The following LY9 variants were observed in gnomAD, a reference collection of about 807,000 sequenced individuals.
LY9 encodes the protein T-lymphocyte surface antigen Ly-9.
Under a neutral mutation model 64.6 loss-of-function variants are expected in LY9, and 59 were observed. The observed-to-expected ratio is 0.91, with a 90% confidence interval of 0.74 to 1.13. The LOEUF is 1.13. Ranked by LOEUF, LY9 falls within the 50% of genes most tolerant of loss-of-function variation. The pLI, the probability that LY9 is intolerant of heterozygous loss-of-function variation, is 0.00. For synonymous variants in LY9, 281 were observed against 308.5 expected, an observed-to-expected ratio of 0.91 and a Z score of 0.93; for missense variants, 789 against 797.2, an observed-to-expected ratio of 0.99 and a Z score of 0.12.
At chr1:160,818,352 G>A in intron 6 of LY9, 33 bp downstream of exon 6, 1 of 1,517,936 alleles carries the variant, frequency 6.6e-7, no homozygotes, top group Non-Finnish European at 9.1e-7. Context: ...GTCCGCCAGT[G>A]CTAGGCCATT....
rs1399278658 is a variant in LY9, at chr1:160,813,971, G to A, written c.730+60G>A. On this transcript the variant is annotated intron_variant, in intron 3 of 9. Coordinates refer to ENST00000263285, the MANE Select transcript of LY9 (RefSeq NM_002348.4). ...CAGAAACAATATGAGCAGCTGTGGA[G>A]TCTAAACCCTAGGATCCTGGTCAGA... 24 of 1,543,232 alleles carry A rather than the reference G, an allele frequency of 1.6e-5. No homozygotes were observed. In the Middle Eastern group the frequency reaches 5.2e-4, roughly 34 times the overall value.
intron 9 of LY9, among the ~76,000 whole-genome samples, chr1:160,826,976 A>AC (rs1668886393): frequency 1.3e-5 from 2 of 152,198 alleles, no homozygotes; most frequent in African/African-American, 4.8e-5. Context: ...AGGCACACAC[A>AC]CTACCCTGGA....
intron 2 of LY9, chr1:160,810,143 T>A (rs1415573966): frequency 6.6e-6 from 1 of 152,314 alleles, no homozygotes; most frequent in African/African-American, 2.4e-5. Flanking sequence ...CCTCCCAAAG[T>A]GCTAGGATTA....
rs1369639644 is a variant in LY9, at chr1:160,800,063, A to G, written c.435A>G (p.Glu145=). The change falls in exon 2 of 10, where the codon GAA becomes GAG. Residue 145 remains glutamate, a synonymous_variant. Transcript: ENST00000263285. ...ATTTTGAAGTCACCACTGAGGAGGA[A>G]TTCACCCTGTTCGTCTATGGTGAGT... is the stretch of plus-strand genomic sequence containing the variant. ...QRNFEVTTEE[E]FTLFVYEQLQ... 1.9e-6 allele frequency: 3 copies of G among 1,612,952 alleles called. No individual in the cohort carries two copies. In the African/African-American group the frequency reaches 4.0e-5, roughly 22 times the overall value.
intron 2 of LY9, among the ~76,000 whole-genome samples, chr1:160,804,564 C>T (rs1406977780): frequency 1.3e-5 from 2 of 151,640 alleles, no homozygotes; most frequent in Non-Finnish European, 2.9e-5. Flanking sequence ...TTGTTGTGTC[C>T]TTGTCTGATT....
chr1:160,802,037 G>A (rs981981250), intron 2 of LY9: 42 of 1,448,812 alleles, frequency 2.9e-5, no homozygotes, highest in South Asian at 2.9e-4. Context: ...TGCCCCCCGA[G>A]GCTGCTAGAC....
Position 160,823,787 on chromosome 1 carries a change from C to A in LY9, c.1821C>A (p.Phe607Leu). The change falls in exon 8 of 10, where the codon TTC (phenylalanine) becomes TTA (leucine). Residue 607 changes from phenylalanine to leucine, a missense_variant. Physicochemically the swap from Phe to Leu is conservative, Grantham distance 22. Transcript: ENST00000263285. ...VGENTMYAQV[F>L]NLQGKTPVSQ... is the part of the protein sequence containing the mutation. ...AGAACACCATGTATGCACAAGTGTT[C>A]AACTTACAGGTGAGCCCTTCTGATC... is the stretch of plus-strand genomic sequence containing the variant. The A allele has an allele frequency of 6.2e-7, 1 of 1,611,130 alleles. No individual in the cohort carries two copies. The highest frequency in any genetic ancestry group is 1.1e-5 in the South Asian group (1 of 90,974).
At chr1:160,806,107 A>T (rs1291513857) in intron 2 of LY9, among the ~76,000 whole-genome samples, 1 of 152,076 alleles carries the variant, frequency 6.6e-6, no homozygotes, top group African/African-American at 2.4e-5. Flanking sequence ...TAGATGGATC[A>T]TGTTTTTAAA....
intron 2 of LY9, chr1:160,802,020 G>C (rs1666538018): frequency 2.7e-6 from 4 of 1,484,812 alleles, no homozygotes; most frequent in African/African-American, 2.8e-5. Flanking sequence ...GCCAGGCCCA[G>C]TGCCACTGCC....
At chr1:160,811,500 T>C (rs924486972) in intron 2 of LY9, 4 of 152,190 alleles carry the variant, frequency 2.6e-5, no homozygotes, top group Admixed American at 2.6e-4. Flanking sequence ...ATTTAACCTC[T>C]CTCTCTCTTC....
chr1:160,805,427 T>C (rs2101760710), intron 2 of LY9, among the ~76,000 whole-genome samples: 1 of 152,318 alleles, frequency 6.6e-6, no homozygotes, highest in Non-Finnish European at 1.5e-5. Context: ...TTAATATTGA[T>C]TTCTAGTTTT....
In LY9 at chr1:160,818,299, T is replaced by C. The variant is rs754099381; in HGVS notation, c.1424T>C (p.Ile475Thr). 2.5e-6 allele frequency: 4 copies of C among 1,613,902 alleles called. No individual in the cohort carries two copies. The East Asian group carries it at 8.9e-5, about 36-fold the overall frequency. ...TGCGTTGGGATCTTCAGCTGGTGCA[T>C]TTGGAAGCGAAAAGGACGGTGTGAG... The part of the protein sequence containing the change: ...LLCVGIFSWC[I>T]WKRKGRCSVP... Residue 475 changes from isoleucine (I) to threonine (T), a missense_variant, in exon 6 of 10, where the codon ATT (isoleucine) becomes ACT (threonine). By Grantham distance (89) the Ile-to-Thr change is moderately conservative. Transcript: ENST00000263285.
At chr1:160,817,773 C>T (rs1668071654) in intron 5 of LY9, among the ~76,000 whole-genome samples, 1 of 152,198 alleles carries the variant, frequency 6.6e-6, no homozygotes, top group African/African-American at 2.4e-5. Flanking sequence ...TTCTGCTCTT[C>T]CGTAGAAGGA....
intron 2 of LY9, among the ~76,000 whole-genome samples, chr1:160,805,360 A>G (rs1666879396): frequency 6.6e-6 from 1 of 151,794 alleles, no homozygotes; most frequent in Non-Finnish European, 1.5e-5. Context: ...TGTTGACCCA[A>G]TGGTCAGGAG....
At chr1:160,823,294 G>A (rs1414452837) in intron 7 of LY9, among the ~76,000 whole-genome samples, 171 bp from the exon 8 acceptor site, 1 of 152,232 alleles carries the variant, frequency 6.6e-6, no homozygotes, top group South Asian at 2.1e-4. Context: ...TGAAAGGAAG[G>A]AGGAAGGGAG....
chr1:160,813,781 G>A lies in LY9; in HGVS notation c.600G>A (p.Glu200=). ...SWTPREPHAS[E]SNGGSILTVS... ...CCCCAAGGGAACCCCATGCTTCTGA[G>A]TCCAATGGAGGCTCCATTCTTACCG... The change falls in exon 3 of 10, where the codon GAG becomes GAA. Residue 200 remains glutamate (E), a synonymous_variant. Transcript: ENST00000263285. 2 of 1,614,158 alleles carry A rather than the reference G, an allele frequency of 1.2e-6. No homozygotes were observed. The highest frequency in any genetic ancestry group is 1.1e-5 in the South Asian group (1 of 91,078).
intron 3 of LY9, among the ~76,000 whole-genome samples, 169 bp from the exon 4 acceptor site, chr1:160,814,251 T>C (rs939149235): frequency 3.9e-5 from 6 of 152,094 alleles, no homozygotes; most frequent in African/African-American, 7.2e-5. Flanking sequence ...CACAGCCCAG[T>C]GGAACAGGTG....
chr1:160,823,814 A>G lies in LY9; in HGVS notation c.1830+18A>G. On this transcript the variant is annotated intron_variant, in intron 8 of 9. Transcript: ENST00000263285. Reference sequence around the variant, plus strand: ...ACTTACAGGTGAGCCCTTCTGATCAATACACCTTCCTCCTCCTCCCATGTC... The same window carrying G: ...ACTTACAGGTGAGCCCTTCTGATCAGTACACCTTCCTCCTCCTCCCATGTC... 11 of 1,567,910 alleles carry G rather than the reference A, an allele frequency of 7.0e-6. No individual in the cohort carries two copies. Among genetic ancestry groups the G allele is most frequent in the Non-Finnish European group, 9.6e-6 (11 of 1,140,898 alleles).
rs768343414 is a variant in LY9, at chr1:160,818,276, C to G, written c.1401C>G (p.Cys467Trp). 4 of 1,614,012 alleles carry G rather than the reference C, an allele frequency of 2.5e-6. No homozygotes were observed. Among genetic ancestry groups the G allele is most frequent in the Non-Finnish European group, 3.4e-6 (4 of 1,179,972 alleles). The change falls in exon 6 of 10, where the codon TGC (cysteine) becomes TGG (tryptophan). Residue 467 changes from cysteine (C) to tryptophan (W), a missense_variant. Coordinates refer to ENST00000263285, the MANE Select transcript of LY9 (RefSeq NM_002348.4). ...IGLFLMVCLL[C>W]VGIFSWCIWK... ...TGTTCCTGATGGTTTGCCTTCTGTG[C>G]GTTGGGATCTTCAGCTGGTGCATTT...
Sources: gnomAD v4.1 joint callset for allele counts (sites outside exome capture counted in the v4.1 genomes callset) on GRCh38, gnomAD v4.1.1 for gene constraint, MANE v1.5 for transcripts, NCBI Gene and HGNC (gene_info 2026-07-23, HGNC 2026-07-21) for gene names.